MTUS2: variants seen among roughly 807,000 people sequenced by gnomAD.
MTUS2 encodes the protein microtubule-associated tumor suppressor candidate 2.
Under a neutral mutation model 114.1 loss-of-function variants are expected in MTUS2, and 40 were observed. The observed-to-expected ratio is 0.35, with a 90% CI of 0.27 to 0.46. The LOEUF is 0.46. MTUS2 is among the 20% of genes least tolerant of loss of function. The pLI is 1.00. For synonymous variants in MTUS2, 688 were observed against 672.0 expected (o/e 1.02, Z -0.37); for missense variants, 1,679 against 1,705.4 (o/e 0.98, Z 0.27).
intron 7 of MTUS2, among the ~76,000 whole-genome samples, chr13:29,340,773 A>G (rs1192036420): frequency 6.6e-6 from 1 of 152,168 alleles, no homozygotes; most frequent in African/African-American, 2.4e-5. Context: ...GTTGCATGCA[A>G]TGTGTAGTCT....
chr13:29,477,729 A>G (rs1051446031), intron 9 of MTUS2, among the ~76,000 whole-genome samples: 1 of 152,200 alleles, frequency 6.6e-6, no homozygotes, highest in Non-Finnish European at 1.5e-5. Context: ...TTTGTTCCTT[A>G]GAAATACCTC....
At chr13:29,490,005 C>T (rs934503856) in intron 11 of MTUS2, 2 of 152,204 alleles carry the variant, frequency 1.3e-5, no homozygotes, top group Non-Finnish European at 2.9e-5. Context: ...TTCTGACTAA[C>T]GAAGTCTCAC....
At position 29,001,285 on chromosome 13, in the gene MTUS2, C is replaced by T. The variant is rs1180045028; in HGVS notation, c.-242-23172C>T. On this transcript the variant is annotated intron_variant, in intron 2 of 15. Transcript: ENST00000612955. ...TGGCTATAGGGTTCATCATAAACCA[C>T]AGGATGGGATCTGGGACATTGTTCC... Among the ~76,000 whole-genome samples the T allele has an allele frequency of 6.6e-5, 10 of 152,184 alleles. No homozygotes were observed. The East Asian group carries it at 1.9e-3, about 29-fold the overall frequency.
intron 8 of MTUS2, among the ~76,000 whole-genome samples, chr13:29,437,721 C>T (rs140653310): frequency 1.3e-5 from 2 of 152,218 alleles, no homozygotes; most frequent in African/African-American, 4.8e-5. Context: ...ACAGATTGGA[C>T]AGATTGCTTA....
At chr13:29,132,573 A>G (rs1337908651) in intron 5 of MTUS2, among the ~76,000 whole-genome samples, 1 of 151,868 alleles carries the variant, frequency 6.6e-6, no homozygotes, top group Admixed American at 6.6e-5. Flanking sequence ...GAATGTGACC[A>G]CTCTAGATAC....
intron 8 of MTUS2, among the ~76,000 whole-genome samples, chr13:29,424,128 T>C (rs1210548505): frequency 6.6e-6 from 1 of 151,644 alleles, no homozygotes; most frequent in Non-Finnish European, 1.5e-5. Context: ...TCGGCCTCCA[T>C]AAGTGCTGGG....
Position 29,371,221 on chromosome 13 carries a change from C to A in MTUS2, c.3117+11748C>A, listed in dbSNP as rs528635497. 7.7e-5 allele frequency among the ~76,000 whole-genome samples: 10 copies of A among 130,192 alleles called. No homozygotes were observed. In the East Asian group the frequency reaches 1.2e-3, roughly 15 times the overall value. The allele number at this position is 130,192 out of a possible 152,430, so 85.4% of individuals were successfully genotyped here. On this transcript the variant is annotated intron_variant, in intron 8 of 15. Coordinates refer to ENST00000612955, the MANE Select transcript of MTUS2 (RefSeq NM_001033602.4). ...ATTTAATATCTTCACATTAACCACC[C>A]CCCCCCCCTTTTTTGAGATGGAGTC...
intron 2 of MTUS2, among the ~76,000 whole-genome samples, chr13:28,877,255 T>G (rs923183744): frequency 2.6e-5 from 4 of 151,386 alleles, no homozygotes; most frequent in Non-Finnish European, 5.9e-5. Context: ...GAGGTGGAGC[T>G]TGCAGTGAGG....
intron 8 of MTUS2, among the ~76,000 whole-genome samples, chr13:29,388,336 A>G (rs954543381): frequency 6.6e-6 from 1 of 151,902 alleles, no homozygotes; most frequent in African/African-American, 2.4e-5. Flanking sequence ...TTACCTGATT[A>G]ATTTTGTGGG....
chr13:29,454,227 C>T (rs1157280676), intron 9 of MTUS2, among the ~76,000 whole-genome samples: 1 of 152,184 alleles, frequency 6.6e-6, no homozygotes, highest in Non-Finnish European at 1.5e-5. Flanking sequence ...AGAGCCAGGG[C>T]TCTTCAATAC....
chr13:29,399,270 G>A (rs1874145443), intron 8 of MTUS2, among the ~76,000 whole-genome samples: 1 of 152,170 alleles, frequency 6.6e-6, no homozygotes, highest in Non-Finnish European at 1.5e-5. Context: ...TGGTTTTGGT[G>A]GGTCTTGACC....
chr13:28,902,595 C>T (rs545374375), intron 2 of MTUS2, among the ~76,000 whole-genome samples: 213 of 151,966 alleles, frequency 1.4e-3, no homozygotes, highest in African/African-American at 4.4e-3. Context: ...TACAATCTTG[C>T]TTCTTTAGCT....
chr13:29,155,101 G>A (rs1237260132), intron 5 of MTUS2, among the ~76,000 whole-genome samples: 1 of 152,206 alleles, frequency 6.6e-6, no homozygotes, highest in East Asian at 1.9e-4. Flanking sequence ...GAATTGTAAG[G>A]ATGAATTCTC....
At chr13:28,917,613 G>C (rs982307400) in intron 2 of MTUS2, among the ~76,000 whole-genome samples, 22 of 150,184 alleles carry the variant, frequency 1.5e-4, no homozygotes, top group African/African-American at 4.9e-4. Flanking sequence ...TAGTCTCTCT[G>C]TTTTTCTTCA....
intron 8 of MTUS2, among the ~76,000 whole-genome samples, chr13:29,377,046 C>T (rs541691021): frequency 6.6e-6 from 1 of 151,948 alleles, no homozygotes; most frequent in African/African-American, 2.4e-5. Flanking sequence ...GTCCACTCAC[C>T]AAGCAGATGT....
intron 5 of MTUS2, among the ~76,000 whole-genome samples, chr13:29,203,917 C>T (rs905099600): frequency 1.3e-5 from 2 of 152,068 alleles, no homozygotes; most frequent in Non-Finnish European, 2.9e-5. Context: ...CAGAAATCAC[C>T]CACCCTCTGC....
intron 2 of MTUS2, among the ~76,000 whole-genome samples, chr13:28,874,583 T>C (rs939828648): frequency 2.6e-5 from 4 of 152,114 alleles, no homozygotes; most frequent in Non-Finnish European, 5.9e-5. Context: ...CCCATGTGTG[T>C]CTTTCTGTGG....
intron 8 of MTUS2, among the ~76,000 whole-genome samples, chr13:29,423,380 G>T (rs774981199): frequency 6.6e-6 from 1 of 152,174 alleles, no homozygotes; most frequent in Non-Finnish European, 1.5e-5. Flanking sequence ...AGGAACTAGG[G>T]CTCCTAGCAA....
intron 15 of MTUS2, among the ~76,000 whole-genome samples, chr13:29,501,531 C>T (rs1882901387): frequency 6.6e-6 from 1 of 152,208 alleles, no homozygotes; most frequent in African/African-American, 2.4e-5. Flanking sequence ...CCACCACTGG[C>T]TGATACCCCA....
Sources: allele counts gnomAD v4.1 joint callset (sites outside exome capture counted in the v4.1 genomes callset), GRCh38; gene constraint gnomAD v4.1.1; transcripts MANE v1.5; gene names NCBI Gene and HGNC (gene_info 2026-07-23, HGNC 2026-07-21).